KHDRBS2: variants seen among roughly 807,000 people sequenced by gnomAD.
KHDRBS2 encodes KH RNA binding domain containing, signal transduction associated 2.
KHDRBS2 carries 26 observed loss-of-function variants against 44.3 expected under a neutral mutation model. That is an observed-to-expected ratio of 0.59 (90% confidence interval 0.43 to 0.81). The LOEUF is 0.81. KHDRBS2 is among the 40% of genes least tolerant of loss of function. The pLI is 0.00. For synonymous variants in KHDRBS2, 194 were observed against 151.1 expected (o/e 1.28, Z -2.08); for missense variants, 476 against 433.1 (o/e 1.10, Z -0.88).
chr6:61,610,905 AT>A, the KHDRBS2 span, among the ~76,000 whole-genome samples: 1 of 152,206 alleles, frequency 6.6e-6, no homozygotes, highest in African/African-American at 2.4e-5. Flanking sequence ...AATAATACCT[AT>A]TAACATGCTA....
At chr6:61,989,973 T>G (rs1366663714) in intron 3 of KHDRBS2, among the ~76,000 whole-genome samples, 1 of 152,218 alleles carries the variant, frequency 6.6e-6, no homozygotes, top group Non-Finnish European at 1.5e-5. Context: ...AACCCTTGCA[T>G]GGGCTAACTT....
intron 3 of KHDRBS2, among the ~76,000 whole-genome samples, chr6:62,000,417 T>G (rs1018084995): frequency 1.3e-5 from 2 of 152,188 alleles, no homozygotes; most frequent in Non-Finnish European, 2.9e-5. Context: ...GTTTTTCACT[T>G]TTTACTGTCT....
chr6:62,027,190 G>A (rs1396003318), intron 3 of KHDRBS2, among the ~76,000 whole-genome samples: 2 of 151,856 alleles, frequency 1.3e-5, no homozygotes, highest in Non-Finnish European at 2.9e-5. Flanking sequence ...GGATTGTAGT[G>A]GTCTTTGTGG....
intron 2 of KHDRBS2, among the ~76,000 whole-genome samples, chr6:62,057,003 A>G (rs1017612945): frequency 6.6e-6 from 1 of 151,986 alleles, no homozygotes; most frequent in Non-Finnish European, 1.5e-5. Flanking sequence ...AAATTCTTTT[A>G]CACACTCTGT....
chr6:62,200,472 GAC>G (rs1283365226), intron 1 of KHDRBS2, among the ~76,000 whole-genome samples: 1 of 152,120 alleles, frequency 6.6e-6, no homozygotes, highest in African/African-American at 2.4e-5. Flanking sequence ...GCAGCCAAAA[GAC>G]ACATGAAAAA....
intron 1 of KHDRBS2, among the ~76,000 whole-genome samples, chr6:62,232,565 A>C (rs185856991): frequency 2.3e-4 from 35 of 152,190 alleles, no homozygotes; most frequent in Admixed American, 1.0e-3. Context: ...ACACCTACAC[A>C]CCTGAAATAC....
the KHDRBS2 span, among the ~76,000 whole-genome samples, chr6:61,551,522 A>T: frequency 3.3e-5 from 5 of 152,034 alleles, no homozygotes; most frequent in East Asian, 1.9e-4. Flanking sequence ...TCTGTAATCC[A>T]TCTTGAGTTG....
intron 2 of KHDRBS2, among the ~76,000 whole-genome samples, chr6:62,083,394 C>A (rs1034263980): frequency 2.6e-5 from 4 of 152,124 alleles, no homozygotes; most frequent in Admixed American, 2.0e-4. Context: ...CTGCATTTAC[C>A]ATCTTCAATT....
chr6:61,568,102 C>A, the KHDRBS2 span, among the ~76,000 whole-genome samples: 1 of 152,118 alleles, frequency 6.6e-6, no homozygotes, highest in Non-Finnish European at 1.5e-5. Flanking sequence ...AAAGTGTCCT[C>A]TCTTCAGTGT....
intron 6 of KHDRBS2, among the ~76,000 whole-genome samples, chr6:61,823,077 T>TA (rs1261061370): frequency 2.0e-5 from 3 of 151,990 alleles, no homozygotes; most frequent in African/African-American, 7.2e-5. Flanking sequence ...GATGGGGTCA[T>TA]TCTAGCTGAT....
At chr6:62,271,035 CTG>C (rs1028193171) in intron 1 of KHDRBS2, among the ~76,000 whole-genome samples, 1 of 152,012 alleles carries the variant, frequency 6.6e-6, no homozygotes, top group Non-Finnish European at 1.5e-5. Context: ...ATATAATGAC[CTG>C]GTAAATCCAC....
At chr6:62,119,684 A>G (rs562389598) in intron 2 of KHDRBS2, among the ~76,000 whole-genome samples, 1 of 152,320 alleles carries the variant, frequency 6.6e-6, no homozygotes, top group African/African-American at 2.4e-5. Context: ...CTTTCTTGCC[A>G]GAGGAAACAG....
intron 2 of KHDRBS2, among the ~76,000 whole-genome samples, chr6:62,094,201 T>C (rs535517950): frequency 6.6e-6 from 1 of 152,044 alleles, no homozygotes; most frequent in South Asian, 2.1e-4. Flanking sequence ...CCAACATTTG[T>C]TACATTTGGA....
chr6:61,697,641 T>A (rs982494967), intron 7 of KHDRBS2, among the ~76,000 whole-genome samples: 4 of 152,146 alleles, frequency 2.6e-5, no homozygotes, highest in Non-Finnish European at 1.5e-5. Context: ...GAAATATGCA[T>A]CATTTTTTCA....
chr6:61,557,207 T>C, the KHDRBS2 span, among the ~76,000 whole-genome samples: 1 of 152,186 alleles, frequency 6.6e-6, no homozygotes, highest in Non-Finnish European at 1.5e-5. Flanking sequence ...CATAATAATA[T>C]TGCATTATAT....
chr6:62,125,173 A>T (rs1283565144), intron 2 of KHDRBS2, among the ~76,000 whole-genome samples: 1 of 152,228 alleles, frequency 6.6e-6, no homozygotes, highest in Non-Finnish European at 1.5e-5. Context: ...TAGCAGCAGC[A>T]GTAGCTGTGT....
At chr6:61,616,052 C>T in the KHDRBS2 span, among the ~76,000 whole-genome samples, 4 of 152,128 alleles carry the variant, frequency 2.6e-5, no homozygotes, top group South Asian at 8.3e-4. Flanking sequence ...AAGACAGAAT[C>T]CTGAGTTAGA....
the KHDRBS2 span, among the ~76,000 whole-genome samples, chr6:61,628,194 C>G: frequency 5.7e-4 from 79 of 139,030 alleles, no homozygotes; most frequent in Middle Eastern, 4.1e-3. Flanking sequence ...TTCATGTCCA[C>G]TGGTACATGT....
chr6:61,848,564 T>TATATATATAC (rs796092688), intron 6 of KHDRBS2, among the ~76,000 whole-genome samples: 603 of 47,398 alleles, frequency 0.013, 49 homozygotes, highest in South Asian at 0.034. Context: ...TATATATATG[T>TATATATATAC]ATATATATAT....
Sources: allele counts gnomAD v4.1 joint callset (sites outside exome capture counted in the v4.1 genomes callset), GRCh38; gene constraint gnomAD v4.1.1; transcripts MANE v1.5; gene names NCBI Gene and HGNC (gene_info 2026-07-23, HGNC 2026-07-21).